Variants in MGST1 observed in about 807,000 individuals in gnomAD.
The protein encoded by MGST1 is glutathione S-transferase 12.
Under a neutral mutation model 8.9 loss-of-function variants are expected in MGST1, and 5 were observed. That is an observed-to-expected ratio of 0.56 (90% CI 0.29 to 1.19). The LOEUF (loss-of-function observed/expected upper bound fraction) is 1.19. Among genes scored for constraint, MGST1 ranks in the 50% most tolerant of loss-of-function variants. The probability of loss-of-function intolerance (pLI) is 0.08; values close to 1 mark genes in which losing one functional copy is unlikely to be tolerated. For synonymous variants in MGST1, 54 were observed against 67.8 expected (o/e 0.80, Z 1.00); for missense variants, 182 against 187.4 (o/e 0.97, Z 0.17).
At chr12:16,564,968 T>C (rs138971613) in intron 4 of MGST1, among the ~76,000 whole-genome samples, 1 of 151,862 alleles carries the variant, frequency 6.6e-6, no homozygotes, top group African/African-American at 2.4e-5. Context: ...AAAAAAAAAA[T>C]TTGTAGAGAT....
At chr12:16,421,384 C>T (rs76461200) in intron 1 of MGST1, among the ~76,000 whole-genome samples, 5,758 of 152,210 alleles carry the variant, frequency 0.038, 357 homozygotes, top group African/African-American at 0.13. Context: ...TTTTGTTCTC[C>T]GGTTAAAACA....
intron 4 of MGST1, among the ~76,000 whole-genome samples, chr12:16,494,244 A>G (rs1229946993): frequency 6.6e-6 from 1 of 152,186 alleles, no homozygotes; most frequent in Admixed American, 6.6e-5. Flanking sequence ...TACCACATGG[A>G]AAGTACTGGG....
intron 1 of MGST1, among the ~76,000 whole-genome samples, chr12:16,396,511 T>G (rs1940607130): frequency 6.6e-6 from 1 of 152,146 alleles, no homozygotes; most frequent in East Asian, 1.9e-4. Flanking sequence ...TGTTTGCTGA[T>G]GATATGATTG....
rs1555104768 is a variant in MGST1, at chr12:16,454,902, A to AAAAAAAAAAAAAAG, written n.482+71300_482+71301insAAAAAAAAAAAGAA. On this transcript the variant is annotated intron_variant and non_coding_transcript_variant, in intron 4 of 4. Coordinates refer to the MGST1 transcript ENST00000538857. ...AAAAAAAAAAAAAAAAAAAAAAAAA[A>AAAAAAAAAAAAAAG]AAGGAGATGGGAAGATTTGAGGAGA... Among the ~76,000 whole-genome samples, 10 of 125,988 alleles carry AAAAAAAAAAAAAAG rather than the reference A, an allele frequency of 7.9e-5. 2 individuals carry two copies. The highest frequency in any genetic ancestry group is 3.2e-4 in the African/African-American group (10 of 30,922). The allele number at this position is 125,988 out of a possible 152,430, so 82.7% of individuals were successfully genotyped here. A position where few individuals can be genotyped will look rare whatever the true frequency, so the allele number is the denominator to read the frequency against.
At position 16,582,977 on chromosome 12, in the gene MGST1, G is replaced by A. The variant is rs1362808429; in HGVS notation, n.483-6551G>A. ...CAGGAAAATCTCTTGAAGCTGGGAG[G>A]CAGAGGTTGTAGTGAGCTGAGATCA... On this transcript the variant is annotated intron_variant and non_coding_transcript_variant, in intron 4 of 4. Transcript: ENST00000538857. The surrounding 1 kb of genome is among the most constrained non-coding windows in gnomAD (Gnocchi z 4.1). Among the ~76,000 whole-genome samples, 1 of 149,848 alleles carries A rather than the reference G, an allele frequency of 6.7e-6. No homozygotes were observed. Among genetic ancestry groups the A allele is most frequent in the Admixed American group, 6.7e-5 (1 of 14,816 alleles).
chr12:16,397,597 A>C (rs2137059249), intron 1 of MGST1, among the ~76,000 whole-genome samples: 1 of 152,100 alleles, frequency 6.6e-6, no homozygotes, highest in East Asian at 1.9e-4. Flanking sequence ...CAAACAACAA[A>C]GAGTCCCATC....
chr12:16,462,702 C>T (rs1265032340), intron 4 of MGST1, among the ~76,000 whole-genome samples: 1 of 152,084 alleles, frequency 6.6e-6, no homozygotes, highest in African/African-American at 2.4e-5. Flanking sequence ...TTGATTTGAT[C>T]TTCATTTAGT....
Position 16,551,153 on chromosome 12 carries a change from T to C in MGST1, n.483-38375T>C, listed in dbSNP as rs564252113. On this transcript the variant is annotated intron_variant and non_coding_transcript_variant, in intron 4 of 4. Transcript: ENST00000538857. ...CAGTAGGTTCCTGTGTCAATTCTTA[T>C]GTACATGTGGAGCAAAAAAGATAAA... is the stretch of plus-strand genomic sequence containing the variant. 9.0e-6 allele frequency: 9 copies of C among 997,084 alleles called. No individual in the cohort carries two copies. The East Asian group carries it at 9.5e-5, about 11-fold the overall frequency. 61.8% of individuals were successfully genotyped at this position (997,084 alleles called of 1,614,324 possible). A position where few individuals can be genotyped will look rare whatever the true frequency, so the allele number is the denominator to read the frequency against.
chr12:16,378,926 A>T (rs1203720854), downstream of MGST1, among the ~76,000 whole-genome samples: 1 of 151,948 alleles, frequency 6.6e-6, no homozygotes, highest in Non-Finnish European at 1.5e-5. Flanking sequence ...ATGGGAGTTC[A>T]CTCATGATTT....
chr12:16,567,787 T>C (rs1014242573), intron 4 of MGST1, among the ~76,000 whole-genome samples: 1 of 151,834 alleles, frequency 6.6e-6, no homozygotes, highest in African/African-American at 2.4e-5. Context: ...CAGAATATCA[T>C]CCCTCTCCTA....
Position 16,544,362 on chromosome 12 carries a change from G to C in MGST1, n.483-45166G>C, listed in dbSNP as rs2137216690. ...CAAAAGGGGAAGAGTTAATGTTAATGCATACAAAAGAGTTGTCATACAAAA... is the reference window on the plus strand; with the variant it reads ...CAAAAGGGGAAGAGTTAATGTTAATCCATACAAAAGAGTTGTCATACAAAA... On this transcript the variant is annotated intron_variant and non_coding_transcript_variant, in intron 4 of 4. Transcript: ENST00000538857. The surrounding 1 kb of genome is among the most constrained non-coding windows in gnomAD (Gnocchi z 4.8). Among the ~76,000 whole-genome samples the C allele has an allele frequency of 6.6e-6, 1 of 151,880 alleles. No homozygotes were observed. Among genetic ancestry groups the C allele is most frequent in the East Asian group, 1.9e-4 (1 of 5,156 alleles).
At chr12:16,551,486 C>T (rs1197033652) in intron 4 of MGST1, among the ~76,000 whole-genome samples, 1 of 151,928 alleles carries the variant, frequency 6.6e-6, no homozygotes, top group Non-Finnish European at 1.5e-5. Context: ...AGACCATTTA[C>T]CATTTACTTC....
intron 4 of MGST1, among the ~76,000 whole-genome samples, chr12:16,446,936 C>A (rs1450614751): frequency 6.6e-6 from 1 of 151,896 alleles, no homozygotes; most frequent in Non-Finnish European, 1.5e-5. Flanking sequence ...TCTAGGCCTT[C>A]CCATGGAACA....
chr12:16,563,303 G>A (rs1018574473), intron 4 of MGST1, among the ~76,000 whole-genome samples: 1 of 152,050 alleles, frequency 6.6e-6, no homozygotes, highest in Admixed American at 6.6e-5. Flanking sequence ...CTACATTCGA[G>A]TTCTCTTTTT....
At chr12:16,405,497 G>A (rs1940691935) in intron 1 of MGST1, among the ~76,000 whole-genome samples, 1 of 152,100 alleles carries the variant, frequency 6.6e-6, no homozygotes, top group African/African-American at 2.4e-5. Context: ...ACAGAGAAGA[G>A]CTGGTATCAT....
chr12:16,545,827 C>CT (rs1941820846), intron 4 of MGST1, among the ~76,000 whole-genome samples: 1 of 152,000 alleles, frequency 6.6e-6, no homozygotes, highest in Non-Finnish European at 1.5e-5. Context: ...AATATTAACT[C>CT]TGATATGTTT....
At position 16,361,652 on chromosome 12, in the gene MGST1, C is replaced by T. The variant is rs1940002208; in HGVS notation, c.222-2143C>T. On this transcript the variant is annotated intron_variant, in intron 3 of 3. Coordinates refer to ENST00000396210, the MANE Select transcript of MGST1 (RefSeq NM_020300.5). The surrounding 1 kb of genome is among the most constrained non-coding windows in gnomAD (Gnocchi z 4.2). Reference sequence around the variant, plus strand: ...GATAGTGCACTGCAGCAGGTGCTCACAGGGAAAGCTGGGGAACTGTTTGCC... The same window carrying T: ...GATAGTGCACTGCAGCAGGTGCTCATAGGGAAAGCTGGGGAACTGTTTGCC... Among the ~76,000 whole-genome samples the T allele has an allele frequency of 6.6e-6, 1 of 152,082 alleles. No individual in the cohort carries two copies. Among genetic ancestry groups the T allele is most frequent in the Non-Finnish European group, 1.5e-5 (1 of 68,004 alleles).
chr12:16,516,169 C>T (rs774578885), intron 4 of MGST1, among the ~76,000 whole-genome samples: 12 of 152,138 alleles, frequency 7.9e-5, no homozygotes, highest in Non-Finnish European at 1.6e-4. Flanking sequence ...CTGTATTGTG[C>T]CACCTCTTTA....
chr12:16,432,895 G>A (rs1012234692), intron 1 of MGST1, among the ~76,000 whole-genome samples: 2 of 152,076 alleles, frequency 1.3e-5, no homozygotes, highest in Non-Finnish European at 2.9e-5. Context: ...TTTCAGGACA[G>A]TCAATGGTGT....
Sources: allele counts gnomAD v4.1 joint callset (sites outside exome capture counted in the v4.1 genomes callset), GRCh38; gene constraint gnomAD v4.1.1; non-coding constraint Gnocchi (gnomAD v3.1); transcripts MANE v1.5; gene names NCBI Gene and HGNC (gene_info 2026-07-23, HGNC 2026-07-21).